The following ASTN2 variants were observed in gnomAD, a reference collection of about 807,000 sequenced individuals.
ASTN2 encodes astrotactin-2.
In ASTN2, 54 loss-of-function variants were observed where a neutral mutation model predicts 139.8. The observed-to-expected ratio is 0.39, with a 90% confidence interval of 0.31 to 0.48. The LOEUF (loss-of-function observed/expected upper bound fraction) is 0.48, where lower values mean the gene tolerates loss of function less well. Ranked by LOEUF, ASTN2 falls within the 20% of genes least tolerant of loss-of-function variation. ASTN2 has a pLI of 0.95. For missense variants in ASTN2, 1,565 were observed against 1,725.1 expected, an observed-to-expected ratio of 0.91 and a Z score of 1.64; for synonymous variants, 756 against 719.5, an observed-to-expected ratio of 1.05 and a Z score of -0.81.
intron 22 of ASTN2, among the ~76,000 whole-genome samples, 191 bp downstream of exon 22, chr9:116,440,418 C>CA (rs1248042951): frequency 3.9e-5 from 6 of 152,138 alleles, no homozygotes; most frequent in Non-Finnish European, 7.3e-5. Context: ...TCCAGGAGTG[C>CA]AGGAATCTAA....
At chr9:116,555,201 G>GA (rs1167092804) in intron 19 of ASTN2, among the ~76,000 whole-genome samples, 1 of 152,310 alleles carries the variant, frequency 6.6e-6, no homozygotes, top group South Asian at 2.1e-4. Context: ...AGAGGCCACA[G>GA]AAAACAGCCC....
chr9:116,863,837 A>T, intron 10 of ASTN2, 104 bp from the exon 11 acceptor site: 1 of 1,217,548 alleles, frequency 8.2e-7, no homozygotes, highest in Middle Eastern at 2.0e-4. Context: ...CTTACTTATA[A>T]TCAGGAAAAC....
At chr9:116,970,193 C>A (rs1043144124) in intron 10 of ASTN2, among the ~76,000 whole-genome samples, 1 of 152,114 alleles carries the variant, frequency 6.6e-6, no homozygotes, top group Non-Finnish European at 1.5e-5. Context: ...TGACAAGATG[C>A]GGCATAACAT....
chr9:116,930,841 C>T (rs1834876479), intron 10 of ASTN2, among the ~76,000 whole-genome samples: 1 of 152,142 alleles, frequency 6.6e-6, no homozygotes, highest in African/African-American at 2.4e-5. Flanking sequence ...CTACCCACTT[C>T]CCCCGCCCCT....
intron 19 of ASTN2, among the ~76,000 whole-genome samples, chr9:116,537,303 T>C (rs1851681987): frequency 6.6e-6 from 1 of 152,236 alleles, no homozygotes; most frequent in Non-Finnish European, 1.5e-5. Flanking sequence ...AATTTTTTTC[T>C]TTTACTTGGC....
rs914653596 is a variant in ASTN2 at position 117,297,593 on chromosome 9, G to T, written c.443-6080C>A. 1.3e-4 allele frequency among the ~76,000 whole-genome samples: 20 copies of T among 152,296 alleles called. No individual in the cohort carries two copies. In the East Asian group the frequency reaches 3.9e-3, roughly 29 times the overall value. On this transcript the variant is annotated intron_variant, in intron 1 of 22. Transcript: ENST00000313400. Reference sequence around the variant, plus strand: ...GAGCATTTACAAAGGCTTGGGCTAGGTTAAGGCAAACTAATGATGAGCAAC... The same window carrying T: ...GAGCATTTACAAAGGCTTGGGCTAGTTTAAGGCAAACTAATGATGAGCAAC...
intron 16 of ASTN2, among the ~76,000 whole-genome samples, chr9:116,687,799 A>AT (rs1860347778): frequency 6.6e-6 from 1 of 151,666 alleles, no homozygotes; most frequent in South Asian, 2.1e-4. Flanking sequence ...ATTTGAGGAA[A>AT]TCTGGGGGCG....
intron 1 of ASTN2, among the ~76,000 whole-genome samples, chr9:117,301,644 G>C (rs1834877933): frequency 6.6e-6 from 1 of 152,168 alleles, no homozygotes; most frequent in African/African-American, 2.4e-5. Context: ...TGTATGCCAG[G>C]AGGTGTGATA....
At chr9:117,128,861 CAAAG>C in intron 4 of ASTN2, among the ~76,000 whole-genome samples, 1 of 152,274 alleles carries the variant, frequency 6.6e-6, no homozygotes, top group East Asian at 1.9e-4. Context: ...TGGCAGCAGG[CAAAG>C]AGAGAATGAG....
intron 5 of ASTN2, among the ~76,000 whole-genome samples, chr9:117,062,190 C>G (rs554729760): frequency 6.6e-5 from 10 of 152,290 alleles, no homozygotes; most frequent in African/African-American, 2.4e-4. Flanking sequence ...GTGGGCCGGC[C>G]TGCCCTCAAC....
intron 1 of ASTN2, among the ~76,000 whole-genome samples, chr9:117,313,564 T>C (rs764972174): frequency 7.2e-5 from 11 of 152,144 alleles, no homozygotes; most frequent in Non-Finnish European, 1.0e-4. Flanking sequence ...TCATGAAGAA[T>C]GGACAGGTGT....
Position 117,340,806 on chromosome 9 carries a change from C to T in ASTN2, c.443-49293G>A, listed in dbSNP as rs1277750919. Among the ~76,000 whole-genome samples the T allele has an allele frequency of 7.9e-5, 12 of 152,208 alleles. 1 individual carries two copies. Among genetic ancestry groups the T allele is most frequent in the Admixed American group, 7.2e-4 (11 of 15,284 alleles). ...AGTAAGGGTGAGGAGGCTAGGACCCCGGTCCCAGTTCCAACAGTGATTCAT... is the reference window on the plus strand; with the variant it reads ...AGTAAGGGTGAGGAGGCTAGGACCCTGGTCCCAGTTCCAACAGTGATTCAT... On this transcript the variant is annotated intron_variant, in intron 1 of 22. Coordinates refer to ENST00000313400, the MANE Select transcript of ASTN2 (RefSeq NM_001365068.1).
At chr9:116,649,025 C>T (rs961182605) in intron 17 of ASTN2, among the ~76,000 whole-genome samples, 2 of 151,652 alleles carry the variant, frequency 1.3e-5, no homozygotes, top group African/African-American at 4.8e-5. Context: ...CAGAGTGAGA[C>T]TCAGTCTCAA....
intron 16 of ASTN2, 82 bp downstream of exon 16, chr9:116,725,689 C>G: frequency 7.0e-7 from 1 of 1,421,748 alleles, no homozygotes; most frequent in Admixed American, 2.1e-5. Flanking sequence ...GATTTAGATC[C>G]AAGGCAGCTC....
At chr9:117,068,430 T>C (rs1156984583) in intron 5 of ASTN2, among the ~76,000 whole-genome samples, 1 of 88,992 alleles carries the variant, frequency 1.1e-5, no homozygotes, top group Non-Finnish European at 2.3e-5. Flanking sequence ...TTGAGGATTT[T>C]TGCATCAATG....
At chr9:116,631,679 C>A (rs763614339) in intron 17 of ASTN2, among the ~76,000 whole-genome samples, 3 of 151,832 alleles carry the variant, frequency 2.0e-5, no homozygotes, top group Non-Finnish European at 2.9e-5. Flanking sequence ...CTATAGTTAA[C>A]AATAATGTAT....
chr9:117,311,335 A>G (rs1827970273), intron 1 of ASTN2, among the ~76,000 whole-genome samples: 1 of 152,106 alleles, frequency 6.6e-6, no homozygotes, highest in Non-Finnish European at 1.5e-5. Flanking sequence ...TCTCCGGCAG[A>G]CCCTGTTAGT....
chr9:117,290,676 C>A (rs1400746580), intron 2 of ASTN2, among the ~76,000 whole-genome samples: 2 of 152,214 alleles, frequency 1.3e-5, no homozygotes, highest in African/African-American at 4.8e-5. Context: ...GTGTACAGGA[C>A]ATAGTTCAGG....
At chr9:116,884,481 A>T (rs1263620046) in intron 10 of ASTN2, among the ~76,000 whole-genome samples, 1 of 152,038 alleles carries the variant, frequency 6.6e-6, no homozygotes, top group African/African-American at 2.4e-5. Flanking sequence ...TTGTCTTCAC[A>T]TGGTCTTTCC....
Sources: gnomAD v4.1 joint callset for allele counts (sites outside exome capture counted in the v4.1 genomes callset) on GRCh38, gnomAD v4.1.1 for gene constraint, MANE v1.5 for transcripts, NCBI Gene and HGNC (gene_info 2026-07-23, HGNC 2026-07-21) for gene names.